The following NAALADL2 variants were observed in gnomAD, a reference collection of about 807,000 sequenced individuals.
NAALADL2 encodes the protein inactive N-acetylated-alpha-linked acidic dipeptidase-like protein 2.
A neutral mutation model predicts 87.2 loss-of-function variants in NAALADL2; 76 were observed. That is an observed-to-expected ratio of 0.87 (90% CI 0.72 to 1.05). The LOEUF (loss-of-function observed/expected upper bound fraction) is 1.05, where lower values mean the gene tolerates loss of function less well. NAALADL2 is among the 50% of genes least tolerant of loss of function. NAALADL2 has a pLI of 0.00. For missense variants in NAALADL2, 1,089 were observed against 945.8 expected (o/e 1.15, Z -1.99); for synonymous variants, 354 against 331.0 (o/e 1.07, Z -0.75).
At chr3:175,118,649 T>G (rs1416459379) in intron 2 of NAALADL2, among the ~76,000 whole-genome samples, 1 of 151,768 alleles carries the variant, frequency 6.6e-6, no homozygotes, top group Non-Finnish European at 1.5e-5. Flanking sequence ...AATCAAAGTT[T>G]CTAATGCATT....
intron 2 of NAALADL2, among the ~76,000 whole-genome samples, chr3:175,098,189 A>G (rs2108383355): frequency 6.6e-6 from 1 of 152,218 alleles, no homozygotes; most frequent in African/African-American, 2.4e-5. Context: ...TCCCTTTTGT[A>G]TAACCATCCC....
At chr3:175,101,238 A>G (rs1722114382) in intron 2 of NAALADL2, among the ~76,000 whole-genome samples, 1 of 152,172 alleles carries the variant, frequency 6.6e-6, no homozygotes, top group African/African-American at 2.4e-5. Context: ...ATCTTTTCCT[A>G]ATGCTAATTG....
At chr3:174,985,816 G>A (rs1391805314) in intron 1 of NAALADL2, among the ~76,000 whole-genome samples, 1 of 152,044 alleles carries the variant, frequency 6.6e-6, no homozygotes, top group Non-Finnish European at 1.5e-5. Context: ...GCTGTGTGTG[G>A]TGGTGCATGC....
intron 9 of NAALADL2, among the ~76,000 whole-genome samples, chr3:175,574,875 C>T (rs185458280): frequency 8.5e-5 from 13 of 152,204 alleles, no homozygotes; most frequent in South Asian, 4.2e-4. Context: ...ATACTTTATG[C>T]GCTTGTTATG....
intron 5 of NAALADL2, among the ~76,000 whole-genome samples, chr3:175,423,207 A>C (rs9838634): frequency 0.75 from 104,210 of 138,298 alleles, 39,132 homozygotes; most frequent in East Asian, 0.87. Context: ...AGAAGAATTT[A>C]TTTTTCTTTT....
intron 2 of NAALADL2, among the ~76,000 whole-genome samples, chr3:175,229,478 A>C (rs1581020478): frequency 6.6e-6 from 1 of 152,038 alleles, no homozygotes; most frequent in Admixed American, 6.6e-5. Flanking sequence ...CTGCTATAAC[A>C]AAATGCCTTA....
chr3:175,168,564 G>A (rs1426314772), intron 2 of NAALADL2, among the ~76,000 whole-genome samples: 1 of 151,728 alleles, frequency 6.6e-6, no homozygotes, highest in Non-Finnish European at 1.5e-5. Context: ...TCAAAAGTAT[G>A]AAAATACTGT....
At chr3:175,162,233 A>G (rs1733337021) in intron 2 of NAALADL2, among the ~76,000 whole-genome samples, 1 of 151,994 alleles carries the variant, frequency 6.6e-6, no homozygotes, top group African/African-American at 2.4e-5. Flanking sequence ...CCATCAATTA[A>G]ATGCCTTGAC....
chr3:175,222,040 C>T (rs1229167835), intron 2 of NAALADL2, among the ~76,000 whole-genome samples: 3 of 151,910 alleles, frequency 2.0e-5, no homozygotes, highest in African/African-American at 7.3e-5. Context: ...CCTTGGCCTC[C>T]CAGAGTGTCA....
At chr3:174,588,881 A>C (rs1272525208) in intron 2 of NAALADL2, among the ~76,000 whole-genome samples, 3 of 152,134 alleles carry the variant, frequency 2.0e-5, no homozygotes, top group Non-Finnish European at 4.4e-5. Context: ...CCATGCTATG[A>C]GGACCACTAC....
chr3:174,467,203 C>A (rs1481133419), intron 1 of NAALADL2, among the ~76,000 whole-genome samples: 2 of 152,088 alleles, frequency 1.3e-5, no homozygotes, highest in African/African-American at 4.8e-5. Flanking sequence ...CATATATACA[C>A]CCTTTAACAT....
intron 2 of NAALADL2, among the ~76,000 whole-genome samples, chr3:174,669,176 A>G (rs1479784821): frequency 2.6e-5 from 4 of 152,002 alleles, no homozygotes; most frequent in Admixed American, 1.3e-4. Flanking sequence ...GCCAGTGATG[A>G]TGAGCATTTT....
intron 11 of NAALADL2, among the ~76,000 whole-genome samples, chr3:175,635,857 G>A (rs1194282589): frequency 1.3e-5 from 2 of 151,972 alleles, no homozygotes; most frequent in Non-Finnish European, 1.5e-5. Flanking sequence ...ACTCTAGGTC[G>A]ACAGATCAAA....
At chr3:175,731,531 G>A (rs909395410) in intron 11 of NAALADL2, among the ~76,000 whole-genome samples, 3 of 152,174 alleles carry the variant, frequency 2.0e-5, no homozygotes, top group Non-Finnish European at 4.4e-5. Flanking sequence ...TCATATGAAT[G>A]TAAAGGAAAG....
intron 1 of NAALADL2, among the ~76,000 whole-genome samples, chr3:175,063,425 A>G (rs1322367321): frequency 1.3e-5 from 2 of 151,744 alleles, no homozygotes; most frequent in Non-Finnish European, 2.9e-5. Flanking sequence ...TCATGCCTGT[A>G]ATCTCAGCAC....
chr3:174,455,592 C>A (rs770895775), intron 1 of NAALADL2, among the ~76,000 whole-genome samples: 3 of 152,114 alleles, frequency 2.0e-5, no homozygotes, highest in Non-Finnish European at 4.4e-5. Context: ...AAGTGTGATT[C>A]ATCACATAAA....
chr3:175,096,697 A>C (rs1266350462), intron 1 of NAALADL2, 93 bp from the exon 2 acceptor site: 6 of 683,002 alleles, frequency 8.8e-6, no homozygotes, highest in Non-Finnish European at 1.3e-5. Flanking sequence ...TAATCATTAA[A>C]CACTCAATAT....
At chr3:174,997,631 C>T (rs1029445110) in intron 1 of NAALADL2, among the ~76,000 whole-genome samples, 1 of 152,016 alleles carries the variant, frequency 6.6e-6, no homozygotes. Flanking sequence ...TCAAGACCAG[C>T]CTGGTGAAAC....
At chr3:175,590,706 A>G (rs1416406241) in intron 10 of NAALADL2, among the ~76,000 whole-genome samples, 6 of 152,150 alleles carry the variant, frequency 3.9e-5, no homozygotes, top group South Asian at 2.1e-4. Context: ...AAGTCCCACT[A>G]TATTGATTCA....
Sources: allele counts gnomAD v4.1 joint callset (sites outside exome capture counted in the v4.1 genomes callset), GRCh38; gene constraint gnomAD v4.1.1; transcripts MANE v1.5; gene names NCBI Gene and HGNC (gene_info 2026-07-23, HGNC 2026-07-21).